Variants in LUZP2 observed in about 807,000 individuals in gnomAD.
LUZP2 encodes the protein leucine zipper protein 2.
LUZP2 carries 52 observed loss-of-function variants against 51.6 expected under a neutral mutation model. The observed-to-expected ratio is 1.01, with a 90% CI of 0.81 to 1.27. The LOEUF (loss-of-function observed/expected upper bound fraction) is 1.27. Among genes scored for constraint, LUZP2 ranks in the 50% most tolerant of loss-of-function variants. LUZP2 has a pLI of 0.00. For missense variants in LUZP2, 436 were observed against 395.4 expected (o/e 1.10, Z -0.87); for synonymous variants, 154 against 137.3 (o/e 1.12, Z -0.85).
intron 1 of LUZP2, among the ~76,000 whole-genome samples, chr11:24,508,893 G>C (rs1242311838): frequency 6.6e-6 from 1 of 152,058 alleles, no homozygotes; most frequent in Non-Finnish European, 1.5e-5. Context: ...GTAGAGATGA[G>C]ACTTGAGCCC....
intron 5 of LUZP2, among the ~76,000 whole-genome samples, chr11:24,829,282 C>T (rs1850628462): frequency 6.6e-6 from 1 of 151,918 alleles, no homozygotes; most frequent in Admixed American, 6.6e-5. Flanking sequence ...TGGGTGTGGG[C>T]AGGGGTCATT....
chr11:24,532,518 A>G (rs946196232), intron 1 of LUZP2, among the ~76,000 whole-genome samples: 1 of 151,052 alleles, frequency 6.6e-6, no homozygotes, highest in African/African-American at 2.4e-5. Flanking sequence ...CACCATGAAC[A>G]CTTTTTCTCT....
intron 1 of LUZP2, among the ~76,000 whole-genome samples, chr11:24,668,069 G>C (rs1481862109): frequency 6.6e-6 from 1 of 152,176 alleles, no homozygotes; most frequent in Non-Finnish European, 1.5e-5. Context: ...AGAAAATCTT[G>C]TCCTCAAAAG....
chr11:24,562,527 T>C (rs1436815375), intron 1 of LUZP2, among the ~76,000 whole-genome samples: 1 of 151,692 alleles, frequency 6.6e-6, no homozygotes, highest in Non-Finnish European at 1.5e-5. Flanking sequence ...TGTAAGTCTA[T>C]CAGGGTAAGG....
At chr11:24,826,962 C>G (rs866713683) in intron 5 of LUZP2, among the ~76,000 whole-genome samples, 11 of 151,792 alleles carry the variant, frequency 7.2e-5, no homozygotes, top group Admixed American at 2.0e-4. Flanking sequence ...AACATCTGGA[C>G]ATAAAAAACC....
intron 1 of LUZP2, among the ~76,000 whole-genome samples, chr11:24,632,144 T>C (rs1854917593): frequency 6.6e-6 from 1 of 152,002 alleles, no homozygotes; most frequent in East Asian, 1.9e-4. Flanking sequence ...ACCAACTCAC[T>C]AAACACCTGA....
At chr11:24,979,352 C>T (rs1419668764) in intron 8 of LUZP2, among the ~76,000 whole-genome samples, 2 of 151,630 alleles carry the variant, frequency 1.3e-5, no homozygotes, top group African/African-American at 4.8e-5. Flanking sequence ...TAAACTATAG[C>T]CATAAAGTTA....
chr11:24,772,472 T>A (rs1048109018), intron 5 of LUZP2, among the ~76,000 whole-genome samples: 3 of 151,966 alleles, frequency 2.0e-5, no homozygotes, highest in Non-Finnish European at 2.9e-5. Flanking sequence ...ACCCAAGAGG[T>A]TTTTAAGATA....
intron 5 of LUZP2, among the ~76,000 whole-genome samples, chr11:24,842,171 A>G (rs2716510): frequency 0.14 from 20,452 of 149,918 alleles, 1,499 homozygotes; most frequent in African/African-American, 0.15. Context: ...AAAATTATTA[A>G]CACAGAGGGG....
chr11:25,060,015 T>A (rs933322722), intron 10 of LUZP2, among the ~76,000 whole-genome samples: 30 of 152,284 alleles, frequency 2.0e-4, no homozygotes, highest in African/African-American at 7.0e-4. Context: ...ATATGTTTTT[T>A]AAAAATGTAA....
At chr11:24,724,243 G>T (rs1228473554) in intron 1 of LUZP2, among the ~76,000 whole-genome samples, 2 of 152,078 alleles carry the variant, frequency 1.3e-5, no homozygotes, top group African/African-American at 2.4e-5. Flanking sequence ...TACAAATATG[G>T]TACTCAGTGA....
chr11:25,076,179 C>T (rs1394174186), intron 10 of LUZP2, among the ~76,000 whole-genome samples: 1 of 151,968 alleles, frequency 6.6e-6, no homozygotes, highest in East Asian at 1.9e-4. Flanking sequence ...CCACCACACC[C>T]AGCTGCTTTT....
rs145007844 is a variant in LUZP2 at position 24,525,643 on chromosome 11, C to CG, written c.62+28338_62+28339insG. Among the ~76,000 whole-genome samples the CG allele has an allele frequency of 3.3e-5, 5 of 151,172 alleles. No individual in the cohort carries two copies. In the East Asian group the frequency reaches 7.7e-4, roughly 23 times the overall value. ...ATAACAATAGATTTTTAATATACTGCTTTTTTATGATTTTCACACAATTAG... is the reference window on the plus strand; with the variant it reads ...ATAACAATAGATTTTTAATATACTGCGTTTTTTATGATTTTCACACAATTAG... On this transcript the variant is annotated intron_variant, in intron 1 of 11. Transcript: ENST00000336930.
intron 9 of LUZP2, among the ~76,000 whole-genome samples, chr11:25,022,319 G>A (rs1857360796): frequency 6.6e-6 from 1 of 151,846 alleles, no homozygotes; most frequent in Non-Finnish European, 1.5e-5. Context: ...TGAACACATG[G>A]ACCATGTCTG....
At chr11:24,582,943 T>A (rs1439752202) in intron 1 of LUZP2, among the ~76,000 whole-genome samples, 1 of 151,952 alleles carries the variant, frequency 6.6e-6, no homozygotes, top group Non-Finnish European at 1.5e-5. Flanking sequence ...GGAACAAGAG[T>A]CTAGAAGAGA....
At chr11:24,506,294 C>T (rs539086240) in intron 1 of LUZP2, among the ~76,000 whole-genome samples, 6 of 152,068 alleles carry the variant, frequency 3.9e-5, no homozygotes, top group Non-Finnish European at 5.9e-5. Flanking sequence ...CTAATGCTTG[C>T]GGTCATTTAT....
intron 9 of LUZP2, among the ~76,000 whole-genome samples, chr11:25,037,390 G>A (rs955970864): frequency 8.6e-5 from 13 of 152,018 alleles, no homozygotes; most frequent in Non-Finnish European, 1.6e-4. Flanking sequence ...AAATGATTGG[G>A]TCTTGTCTTT....
At chr11:24,924,866 A>G (rs1298943693) in intron 7 of LUZP2, among the ~76,000 whole-genome samples, 2 of 152,154 alleles carry the variant, frequency 1.3e-5, no homozygotes, top group Admixed American at 6.5e-5. Flanking sequence ...GTCAGTGTCA[A>G]TGTTAAGATA....
intron 5 of LUZP2, among the ~76,000 whole-genome samples, chr11:24,807,828 G>A (rs1041301639): frequency 2.0e-5 from 3 of 152,252 alleles, no homozygotes; most frequent in Admixed American, 2.0e-4. Context: ...AAAAAGTGGA[G>A]GAAGGTCAGG....
Sources: gnomAD v4.1 joint callset for allele counts (sites outside exome capture counted in the v4.1 genomes callset) on GRCh38, gnomAD v4.1.1 for gene constraint, MANE v1.5 for transcripts, NCBI Gene and HGNC (gene_info 2026-07-23, HGNC 2026-07-21) for gene names.